KLC1: variants seen among roughly 807,000 people sequenced by gnomAD.
KLC1 encodes the protein kinesin 2 60/70kDa.
A neutral mutation model predicts 84.2 loss-of-function variants in KLC1; 30 were observed. The ratio of observed to expected loss-of-function variants is 0.36; its 90% CI spans 0.27 to 0.48. The LOEUF is 0.48. Among genes scored for constraint, KLC1 ranks in the 20% least tolerant of loss-of-function variants. KLC1 has a pLI of 0.99. For synonymous variants in KLC1, 289 were observed against 293.3 expected, an observed-to-expected ratio of 0.99 and a Z score of 0.15; for missense variants, 499 against 805.4, an observed-to-expected ratio of 0.62 and a Z score of 4.60.
intron 9 of KLC1, 148 bp from the exon 10 acceptor site, chr14:103,675,404 T>G (rs766800194): frequency 1.9e-5 from 12 of 623,298 alleles, no homozygotes; most frequent in Non-Finnish European, 2.9e-5. Context: ...ATAGTACAGG[T>G]TAAATATCCC....
At chr14:103,667,639 ACTT>A (rs1380445948) in intron 5 of KLC1, among the ~76,000 whole-genome samples, 2 of 152,188 alleles carry the variant, frequency 1.3e-5, no homozygotes, top group East Asian at 3.9e-4. Context: ...CCTGGCCACT[ACTT>A]TTTGGAACTC....
At chr14:103,699,866 G>C (rs1255904437) in intron 15 of KLC1, 2 of 472,080 alleles carry the variant, frequency 4.2e-6, no homozygotes, top group Non-Finnish European at 7.8e-6. Context: ...CCTCTGTAGA[G>C]GTGTCCTTTG....
intron 1 of KLC1, among the ~76,000 whole-genome samples, chr14:103,632,108 C>T (rs1457570387): frequency 1.3e-5 from 2 of 152,160 alleles, no homozygotes; most frequent in African/African-American, 4.8e-5. Flanking sequence ...AAAAGAGCCA[C>T]TGTTGGCCGG....
rs3212114 is a variant in KLC1 at position 103,699,259 on chromosome 14, C to T, written c.1849-1396C>T. On this transcript the variant is annotated intron_variant, in intron 15 of 16. Transcript: ENST00000334553. ...AGGCACAGGCTGCTACCCGCAGGAG[C>T]CGGAGGCCACCTCACTGCCACCCGC... 1,506 of 1,539,546 alleles carry T rather than the reference C, an allele frequency of 9.8e-4. 13 individuals carry two copies. In the African/African-American group the frequency reaches 0.017, roughly 18 times the overall value.
intron 6 of KLC1, 101 bp from the exon 7 acceptor site, chr14:103,670,081 G>T: frequency 1.3e-6 from 1 of 776,178 alleles, no homozygotes. Context: ...GACTAAGAAT[G>T]CTTTACTGTA....
At chr14:103,635,321 C>T (rs924388994) in intron 1 of KLC1, among the ~76,000 whole-genome samples, 2 of 152,114 alleles carry the variant, frequency 1.3e-5, no homozygotes, top group African/African-American at 4.8e-5. Context: ...TTGCACTGTT[C>T]CAGAGAAAAT....
At chr14:103,654,953 G>A (rs932736510) in intron 2 of KLC1, 128 bp downstream of exon 2, 12 of 1,093,946 alleles carry the variant, frequency 1.1e-5, no homozygotes, top group East Asian at 1.0e-4. Flanking sequence ...GGCCGAGTGC[G>A]GTGTGGCTCA....
At chr14:103,647,499 G>A (rs1396097649) in intron 1 of KLC1, among the ~76,000 whole-genome samples, 1 of 151,928 alleles carries the variant, frequency 6.6e-6, no homozygotes, top group Non-Finnish European at 1.5e-5. Flanking sequence ...CAAAGTGGTG[G>A]GATTACAGGG....
At chr14:103,677,279 CA>C in intron 11 of KLC1, 135 bp from the exon 12 acceptor site, 1 of 648,728 alleles carries the variant, frequency 1.5e-6, no homozygotes, top group Non-Finnish European at 2.7e-6. Context: ...TTTACAGTTT[CA>C]GAAAAGTACA....
chr14:103,680,366 G>A (rs762808245), intron 13 of KLC1, among the ~76,000 whole-genome samples: 2 of 151,764 alleles, frequency 1.3e-5, no homozygotes, highest in East Asian at 1.9e-4. Flanking sequence ...TCATCTAGGG[G>A]CACAGTTGGT....
Position 103,669,510 on chromosome 14 carries a change from G to T in KLC1, c.798-1G>T. On this transcript the variant is annotated splice_acceptor_variant, in intron 5 of 16. Coordinates refer to ENST00000334553, the MANE Select transcript of KLC1 (RefSeq NM_001394837.1). LOFTEE classifies it high-confidence loss of function. The stretch of plus-strand genomic sequence containing the variant: ...CACTTAATGTGTGTTTTTCCATTTA[G>T]GGATCAGAATAAATACAAAGATGCA... 6.4e-7 allele frequency: 1 copy of T among 1,574,576 alleles called. No homozygotes were observed. Among genetic ancestry groups the T allele is most frequent in the South Asian group, 1.1e-5 (1 of 89,436 alleles).
At chr14:103,676,788 T>A (rs1020644580) in intron 11 of KLC1, among the ~76,000 whole-genome samples, 9 of 152,180 alleles carry the variant, frequency 5.9e-5, no homozygotes, top group Non-Finnish European at 1.2e-4. Flanking sequence ...CTAGGTTTAT[T>A]TATAATTTTT....
chr14:103,665,895 T>C (rs1245745212), intron 5 of KLC1, among the ~76,000 whole-genome samples: 2 of 151,760 alleles, frequency 1.3e-5, no homozygotes, highest in Non-Finnish European at 2.9e-5. Context: ...CTCTATTCCG[T>C]TGGTGGAGAT....
chr14:103,652,958 A>G (rs764519421), intron 1 of KLC1, among the ~76,000 whole-genome samples: 1 of 152,136 alleles, frequency 6.6e-6, no homozygotes, highest in Non-Finnish European at 1.5e-5. Context: ...ACGTGACCCT[A>G]TTCTCAAGCA....
At chr14:103,685,047 G>C (rs1384441184) in intron 13 of KLC1, 9 of 1,546,246 alleles carry the variant, frequency 5.8e-6, no homozygotes, top group Non-Finnish European at 7.9e-6. Flanking sequence ...GTGAGTCCGA[G>C]CGGGCGGGGC....
intron 2 of KLC1, among the ~76,000 whole-genome samples, chr14:103,657,138 A>G (rs2078896258): frequency 6.6e-6 from 1 of 152,146 alleles, no homozygotes. Context: ...GCAGCCCTTC[A>G]CCAACATGCA....
In KLC1 at chr14:103,685,121, C is replaced by T. The variant is rs910723713; in HGVS notation, c.1651-1960C>T. On this transcript the variant is annotated intron_variant, in intron 13 of 16. Transcript: ENST00000334553. ...CTTTCCAACCTGGCAGGACCCAGGA[C>T]GCATTGCTGCCTGTGGAAATTAATT... The T allele has an allele frequency of 4.9e-5, 73 of 1,492,434 alleles. 1 individual carries two copies. The South Asian group carries it at 6.2e-4, about 13-fold the overall frequency. 92.4% of individuals were successfully genotyped at this position (1,492,434 alleles called of 1,614,324 possible).
chr14:103,646,742 T>C (rs1446033067), intron 1 of KLC1, among the ~76,000 whole-genome samples: 1 of 152,102 alleles, frequency 6.6e-6, no homozygotes, highest in Admixed American at 6.6e-5. Flanking sequence ...CCCAAGTAGC[T>C]GGGAGTACAA....
chr14:103,673,035 G>A lies in KLC1; in HGVS notation c.1009G>A (p.Asp337Asn), dbSNP rs868493002. The A allele has an allele frequency of 1.2e-6, 2 of 1,613,970 alleles. No individual in the cohort carries two copies. The highest frequency in any genetic ancestry group is 1.1e-5 in the South Asian group (1 of 91,036). ...REKVLGKDHP[D>N]VAKQLNNLAL... ...TCAGGTTTTGGGGAAGGATCACCCC[G>A]ATGTTGCCAAGCAGTTAAATAACTT... is the stretch of plus-strand genomic sequence containing the variant. The change falls in exon 8 of 17, where the codon GAT becomes AAT. Residue 337 changes from aspartate to asparagine, a missense_variant. By Grantham distance (23) the Asp-to-Asn change is conservative (BLOSUM62 1). Transcript: ENST00000334553.
Sources: gnomAD v4.1 joint callset for allele counts (sites outside exome capture counted in the v4.1 genomes callset) on GRCh38, gnomAD v4.1.1 for gene constraint, MANE v1.5 for transcripts, NCBI Gene and HGNC (gene_info 2026-07-23, HGNC 2026-07-21) for gene names.